Variants in NRP2 observed in about 807,000 individuals in gnomAD.
The protein encoded by NRP2 is neuropilin-2.
Under a neutral mutation model 110.4 loss-of-function variants are expected in NRP2, and 52 were observed. The observed-to-expected ratio is 0.47, with a 90% CI of 0.38 to 0.59. NRP2 has a LOEUF of 0.59. Ranked by LOEUF, NRP2 falls within the 20% of genes least tolerant of loss-of-function variation. The pLI is 0.00. For missense variants in NRP2, 1,049 were observed against 1,203.0 expected (o/e 0.87, Z 1.89); for synonymous variants, 508 against 468.9 (o/e 1.08, Z -1.08).
intron 16 of NRP2, among the ~76,000 whole-genome samples, chr2:205,793,666 T>C (rs1382551939): frequency 6.6e-6 from 1 of 152,196 alleles, no homozygotes; most frequent in Non-Finnish European, 1.5e-5. Flanking sequence ...TACGATGTTC[T>C]CTCATGTGTG....
At chr2:205,789,747 C>T (rs1014649301) in intron 15 of NRP2, among the ~76,000 whole-genome samples, 6 of 152,080 alleles carry the variant, frequency 3.9e-5, no homozygotes, top group Middle Eastern at 3.2e-3. Context: ...ACTACAGGGA[C>T]CTAATGAGAG....
chr2:205,783,024 C>T (rs1465211265), intron 15 of NRP2, among the ~76,000 whole-genome samples: 1 of 152,116 alleles, frequency 6.6e-6, no homozygotes. Flanking sequence ...TTAACCTGTC[C>T]CTGCTTGAGA....
chr2:205,722,456 T>C, intron 3 of NRP2, 22 bp from the exon 4 acceptor site: 1 of 1,584,122 alleles, frequency 6.3e-7, no homozygotes, highest in Non-Finnish European at 8.7e-7. Flanking sequence ...TTCTTAGTGC[T>C]ACAGTTCTCT....
At chr2:205,782,170 T>A (rs150061379) in intron 15 of NRP2, among the ~76,000 whole-genome samples, 2 of 152,196 alleles carry the variant, frequency 1.3e-5, no homozygotes, top group Non-Finnish European at 2.9e-5. Context: ...AGACCTAGAA[T>A]CATCTCCTCT....
chr2:205,712,433 G>A (rs1180904848), intron 2 of NRP2, among the ~76,000 whole-genome samples: 1 of 152,112 alleles, frequency 6.6e-6, no homozygotes, highest in Non-Finnish European at 1.5e-5. Flanking sequence ...CTTGACTATC[G>A]TTGGGGTGAG....
intron 3 of NRP2, among the ~76,000 whole-genome samples, chr2:205,716,577 CG>C (rs940563565): frequency 8.4e-4 from 3 of 3,572 alleles, no homozygotes; most frequent in Middle Eastern, 0.12. Flanking sequence ...GGGCTGTGGG[CG>C]GGGGGGTGGG....
chr2:205,763,948 A>C lies in NRP2; in HGVS notation c.2307+12A>C, dbSNP rs1215295425. 2 of 1,613,772 alleles carry C rather than the reference A, an allele frequency of 1.2e-6. No individual in the cohort carries two copies. The highest frequency in any genetic ancestry group is 1.7e-6 in the Non-Finnish European group (2 of 1,179,912). On this transcript the variant is annotated intron_variant, in intron 13 of 16. Transcript: ENST00000357785. The surrounding 1 kb of genome is among the most constrained non-coding windows in gnomAD (Gnocchi z 4.0). ...ACATGGAGTACCAGGTGGGGTGAGC[A>C]AAAAGGGAATCTTGTGATCCGTATT... is the stretch of plus-strand genomic sequence containing the variant.
chr2:205,752,589 C>T (rs2057666151), intron 11 of NRP2: 1 of 518,236 alleles, frequency 1.9e-6, no homozygotes, highest in Non-Finnish European at 3.5e-6. Context: ...CATTTGGTAG[C>T]CTCATTCATA....
intron 7 of NRP2, among the ~76,000 whole-genome samples, chr2:205,735,264 G>A (rs559748400): frequency 3.8e-4 from 58 of 152,162 alleles, no homozygotes; most frequent in African/African-American, 1.4e-3. Flanking sequence ...GGCCTAGAAG[G>A]TAGGAAGGCT....
intron 2 of NRP2, among the ~76,000 whole-genome samples, chr2:205,708,440 C>T (rs2056730913): frequency 1.3e-5 from 2 of 152,184 alleles, no homozygotes; most frequent in African/African-American, 4.8e-5. Flanking sequence ...AGGACCAGTG[C>T]AGAAGTTGGG....
chr2:205,698,023 T>C, intron 2 of NRP2: 1 of 427,014 alleles, frequency 2.3e-6, no homozygotes. Flanking sequence ...ACTACAAAAC[T>C]CTACTCTTGA....
At chr2:205,745,715 C>G (rs1222411867) in intron 9 of NRP2, 31 bp from the exon 10 acceptor site, 2 of 1,613,642 alleles carry the variant, frequency 1.2e-6, no homozygotes, top group South Asian at 1.1e-5. Flanking sequence ...GGTCCCACAC[C>G]AGAAGGGCTG....
intron 10 of NRP2, among the ~76,000 whole-genome samples, chr2:205,748,076 C>T (rs78700204): frequency 0.014 from 2,131 of 152,136 alleles, 45 homozygotes; most frequent in African/African-American, 0.049. Flanking sequence ...GCCTCGGTGC[C>T]CGCCGTTCCT....
At chr2:205,748,550 A>G (rs2057582653) in intron 10 of NRP2, among the ~76,000 whole-genome samples, 1 of 152,252 alleles carries the variant, frequency 6.6e-6, no homozygotes, top group Admixed American at 6.5e-5. Flanking sequence ...CGTAGTATTT[A>G]ATAGCAGAAA....
At chr2:205,748,709 G>A (rs117679184) in intron 10 of NRP2, among the ~76,000 whole-genome samples, 1 of 152,162 alleles carries the variant, frequency 6.6e-6, no homozygotes, top group African/African-American at 2.4e-5. Context: ...AAATGAGAGG[G>A]ACAAGGCACT....
At chr2:205,777,647 C>A (rs2058120892) in intron 15 of NRP2, 1 of 152,118 alleles carries the variant, frequency 6.6e-6, no homozygotes, top group Non-Finnish European at 1.5e-5. Flanking sequence ...AAAACATATA[C>A]TTTGGTATTA....
chr2:205,698,962 G>C (rs2056496047), intron 2 of NRP2, among the ~76,000 whole-genome samples: 1 of 152,236 alleles, frequency 6.6e-6, no homozygotes, highest in South Asian at 2.1e-4. Context: ...TTTAACTAGT[G>C]CTAGACTGTG....
chr2:205,691,667 CT>C (rs1441659051), intron 1 of NRP2, among the ~76,000 whole-genome samples: 1 of 152,062 alleles, frequency 6.6e-6, no homozygotes, highest in Non-Finnish European at 1.5e-5. Context: ...CAAAATTATT[CT>C]TCTGTTTCCT....
rs190453784 is a variant in NRP2 at position 205,714,509 on chromosome 2, G to T, written c.252-1684G>T. 4.3e-3 allele frequency among the ~76,000 whole-genome samples: 658 copies of T among 152,348 alleles called. 4 individuals carry two copies. Among genetic ancestry groups the T allele is most frequent in the Non-Finnish European group, 6.8e-3 (463 of 68,030 alleles). ...ATAGCACGGAGGGGTTTTCTGGAAG[G>T]TTTGGGAGTTTCCCCTGAGAACAAA... On this transcript the variant is annotated intron_variant, in intron 2 of 16. Transcript: ENST00000357785.
Sources: allele counts gnomAD v4.1 joint callset (sites outside exome capture counted in the v4.1 genomes callset), GRCh38; gene constraint gnomAD v4.1.1; non-coding constraint Gnocchi (gnomAD v3.1); transcripts MANE v1.5; gene names NCBI Gene and HGNC (gene_info 2026-07-23, HGNC 2026-07-21).